Variants in ISY1 observed in about 807,000 individuals in gnomAD.
The protein encoded by ISY1 is ISY1 spliceosome associated protein.
A neutral mutation model predicts 54.4 loss-of-function variants in ISY1; 12 were observed. The observed-to-expected ratio is 0.22, with a 90% CI of 0.14 to 0.36. The LOEUF (loss-of-function observed/expected upper bound fraction) is 0.36. ISY1 is among the 10% of genes least tolerant of loss of function. The pLI is 1.00. For synonymous variants in ISY1, 96 were observed against 117.9 expected, an observed-to-expected ratio of 0.81 and a Z score of 1.20; for missense variants, 282 against 342.2, an observed-to-expected ratio of 0.82 and a Z score of 1.39.
rs1234755518 is a variant in ISY1, at chr3:129,140,098, C to A, written c.418+270G>T. Among the ~76,000 whole-genome samples the A allele has an allele frequency of 2.0e-5, 3 of 152,352 alleles. No individual in the cohort carries two copies. The East Asian group carries it at 5.8e-4, about 29-fold the overall frequency. ...CTGGGAAACTTCAAATAGGGAAACT[C>A]CTTGTCCAGACTGACAGATTAGCAC... On this transcript the variant is annotated intron_variant, in intron 7 of 10. Transcript: ENST00000393295.
Position 129,140,381 on chromosome 3 carries a change from C to T in ISY1, c.405G>A (p.Leu135=), listed in dbSNP as rs1936572249. ...AAKDLPGVRE[L]FEKEPLPPPR... ...AAACTTACTTACGTTCTTTTTCAAACAGCTCTCTAACACCAGGCAAATCTT... is the reference window on the plus strand; with the variant it reads ...AAACTTACTTACGTTCTTTTTCAAATAGCTCTCTAACACCAGGCAAATCTT... The change falls in exon 7 of 11, where the codon CTG becomes CTA. Residue 135 remains leucine, a synonymous_variant. Coordinates refer to ENST00000393295, the MANE Select transcript of ISY1 (RefSeq NM_020701.4). 8 of 1,603,218 alleles carry T rather than the reference C, an allele frequency of 5.0e-6. No individual in the cohort carries two copies. The highest frequency in any genetic ancestry group is 6.8e-6 in the Non-Finnish European group (8 of 1,177,394).
At chr3:129,144,121 G>C (rs1222547722) in intron 6 of ISY1, 1 of 425,230 alleles carries the variant, frequency 2.4e-6, no homozygotes, top group African/African-American at 2.0e-5. Flanking sequence ...TGCCTCACAG[G>C]AAAAATAAAA....
chr3:129,130,431 G>T, intron 10 of ISY1, 119 bp downstream of exon 10: 1 of 1,306,998 alleles, frequency 7.7e-7, no homozygotes, highest in Non-Finnish European at 1.0e-6. Context: ...GTGTCATGTG[G>T]TCAGGACCCT....
In ISY1 at chr3:129,130,042, G is replaced by C; in HGVS notation, c.*39C>G. 6.7e-7 allele frequency: 1 copy of C among 1,496,518 alleles called. No individual in the cohort carries two copies. 92.7% of individuals were successfully genotyped at this position (1,496,518 alleles called of 1,614,324 possible). A position where few individuals can be genotyped will look rare whatever the true frequency, so the allele number is the denominator to read the frequency against. ...CAGCCCTGGGTCCTGAGGTACCACT[G>C]GGGGATGGAAGAACTCCAAGGAGAG... is the stretch of plus-strand genomic sequence containing the variant. On this transcript the variant is annotated 3_prime_UTR_variant, in exon 11 of 11. Coordinates refer to ENST00000393295, the MANE Select transcript of ISY1 (RefSeq NM_020701.4).
chr3:129,156,789 T>C (rs879434092), intron 4 of ISY1, 66 bp downstream of exon 4: 126 of 1,584,614 alleles, frequency 8.0e-5, no homozygotes, highest in Non-Finnish European at 1.1e-4. Context: ...CTAACAGTCA[T>C]TTAGATAATA....
chr3:129,128,122 G>C lies in ISY1; in HGVS notation c.*1959C>G, dbSNP rs1936139628. 6.6e-6 allele frequency: 1 copy of C among 152,564 alleles called. No individual in the cohort carries two copies. The highest frequency in any genetic ancestry group is 2.4e-5 in the African/African-American group (1 of 41,442). 9.5% of individuals were successfully genotyped at this position (152,564 alleles called of 1,614,324 possible). ...GTCCACTCCTTGACTTCAAAGTATG[G>C]AAGGTGAGGCTGGGCCCAGAGGGTC... is the stretch of plus-strand genomic sequence containing the variant. On this transcript the variant is annotated 3_prime_UTR_variant, in exon 11 of 11. Coordinates refer to ENST00000393295, the MANE Select transcript of ISY1 (RefSeq NM_020701.4).
At chr3:129,145,717 G>T in intron 6 of ISY1, 44 bp downstream of exon 6, 1 of 1,591,302 alleles carries the variant, frequency 6.3e-7, no homozygotes, top group South Asian at 1.1e-5. Flanking sequence ...TGCTGTGGGT[G>T]GAAAACTAGA....
chr3:129,147,312 G>A (rs533820293), intron 5 of ISY1, among the ~76,000 whole-genome samples: 2 of 152,094 alleles, frequency 1.3e-5, no homozygotes, highest in South Asian at 2.1e-4. Context: ...GGGAGGCAGA[G>A]GTTGCACTGA....
intron 8 of ISY1, among the ~76,000 whole-genome samples, chr3:129,134,418 A>C (rs1033388471): frequency 6.6e-6 from 1 of 152,170 alleles, no homozygotes; most frequent in African/African-American, 2.4e-5. Context: ...AACATTCCCA[A>C]ATCCTCCCCA....
chr3:129,140,577 T>C, intron 6 of ISY1, 92 bp from the exon 7 acceptor site: 1 of 1,349,650 alleles, frequency 7.4e-7, no homozygotes, highest in Non-Finnish European at 1.0e-6. Context: ...CTCGCTCTGT[T>C]GCCCATTTAT....
chr3:129,152,525 TCC>T (rs1418449360), intron 5 of ISY1, among the ~76,000 whole-genome samples: 4 of 152,058 alleles, frequency 2.6e-5, no homozygotes, highest in Non-Finnish European at 4.4e-5. Flanking sequence ...TGCCTCAGCC[TCC>T]CAGGAAGCTG....
rs1364194188 is a variant in ISY1 at position 129,128,114 on chromosome 3, A to C, written c.*1967T>G. ...CAGCACAGGTCCACTCCTTGACTTCAAAGTATGGAAGGTGAGGCTGGGCCC... is the reference window on the plus strand; with the variant it reads ...CAGCACAGGTCCACTCCTTGACTTCCAAGTATGGAAGGTGAGGCTGGGCCC... On this transcript the variant is annotated 3_prime_UTR_variant, in exon 11 of 11. Coordinates refer to ENST00000393295, the MANE Select transcript of ISY1 (RefSeq NM_020701.4). The C allele has an allele frequency of 6.6e-6, 1 of 152,514 alleles. No homozygotes were observed. The highest frequency in any genetic ancestry group is 1.5e-5 in the Non-Finnish European group (1 of 68,340). The allele number at this position is 152,514 out of a possible 1,614,324, so 9.4% of individuals were successfully genotyped here.
intron 9 of ISY1, among the ~76,000 whole-genome samples, chr3:129,131,646 C>G (rs1409543218): frequency 6.6e-6 from 1 of 152,194 alleles, no homozygotes; most frequent in African/African-American, 2.4e-5. Context: ...AAGGAATGAA[C>G]TATTGAACTC....
At chr3:129,156,256 G>A (rs991825760) in intron 5 of ISY1, among the ~76,000 whole-genome samples, 2 of 151,724 alleles carry the variant, frequency 1.3e-5, no homozygotes, top group Non-Finnish European at 2.9e-5. Flanking sequence ...AAAATTAGCC[G>A]GGCGTGGTTG....
chr3:129,136,874 CTTTT>C (rs1402406086), intron 7 of ISY1, among the ~76,000 whole-genome samples: 5 of 123,832 alleles, frequency 4.0e-5, no homozygotes, highest in African/African-American at 8.9e-5. Flanking sequence ...TTTTCTTCTT[CTTTT>C]TTTTTTTATT....
chr3:129,157,282 A>T (rs777232420), intron 3 of ISY1, among the ~76,000 whole-genome samples: 87 of 150,022 alleles, frequency 5.8e-4, no homozygotes, highest in Non-Finnish European at 1.1e-3. Flanking sequence ...ATATAAAATT[A>T]AAAAAAAAAT....
chr3:129,152,416 T>G (rs1413492823), intron 5 of ISY1, among the ~76,000 whole-genome samples: 1 of 152,132 alleles, frequency 6.6e-6, no homozygotes. Flanking sequence ...TTTTGTTTTT[T>G]TTTTTGAGAC....
rs376950781 is a variant in ISY1 at position 129,134,188 on chromosome 3, G to A, written c.549C>T (p.Ala183=). 21 of 1,613,804 alleles carry A rather than the reference G, an allele frequency of 1.3e-5. No individual in the cohort carries two copies. The East Asian group carries it at 1.3e-4, about 10-fold the overall frequency. The stretch of plus-strand genomic sequence containing the variant: ...CTGCTTTCCACTTTTCCACTAACTC[G>A]GCTCTGACTGAACACAAGAGAGGGT... ...LEQEYEKKLR[A]ELVEKWKAER... is the part of the protein sequence containing the mutation. Residue 183 remains alanine (A), a synonymous_variant, in exon 9 of 11, where the codon GCC becomes GCT. Coordinates refer to ENST00000393295, the MANE Select transcript of ISY1 (RefSeq NM_020701.4).
chr3:129,140,088 T>G (rs1936562715), intron 7 of ISY1, among the ~76,000 whole-genome samples: 4 of 152,214 alleles, frequency 2.6e-5, no homozygotes, highest in African/African-American at 9.6e-5. Context: ...AAACTTCAAA[T>G]AGGGAAACTC....
Sources: gnomAD v4.1 joint callset for allele counts (sites outside exome capture counted in the v4.1 genomes callset) on GRCh38, gnomAD v4.1.1 for gene constraint, MANE v1.5 for transcripts, NCBI Gene and HGNC (gene_info 2026-07-23, HGNC 2026-07-21) for gene names.